Variants in AGBL1 observed in about 807,000 individuals in gnomAD.
AGBL1 encodes the protein cytosolic carboxypeptidase 4.
AGBL1 carries 130 observed loss-of-function variants against 118.9 expected under a neutral mutation model. That is an observed-to-expected ratio of 1.09 (90% confidence interval 0.95 to 1.26). AGBL1 has a LOEUF of 1.26. AGBL1 is among the 50% of genes most tolerant of loss of function. AGBL1 has a pLI of 0.00. For synonymous variants in AGBL1, 555 were observed against 478.9 expected, an observed-to-expected ratio of 1.16 and a Z score of -2.08; for missense variants, 1,584 against 1,298.1, an observed-to-expected ratio of 1.22 and a Z score of -3.38.
intron 18 of AGBL1, among the ~76,000 whole-genome samples, chr15:86,429,410 G>A (rs142887001): frequency 6.6e-6 from 1 of 152,142 alleles, no homozygotes; most frequent in Non-Finnish European, 1.5e-5. Flanking sequence ...GAATAAGAAA[G>A]CTGTGATTTT....
At chr15:86,600,364 T>G (rs1373201448) in intron 21 of AGBL1, among the ~76,000 whole-genome samples, 1 of 152,166 alleles carries the variant, frequency 6.6e-6, no homozygotes, top group Non-Finnish European at 1.5e-5. Context: ...GAAACACAAA[T>G]ATTATCAGAC....
intron 24 of AGBL1, among the ~76,000 whole-genome samples, chr15:87,001,532 C>G (rs1404910586): frequency 6.6e-6 from 1 of 152,000 alleles, no homozygotes; most frequent in Non-Finnish European, 1.5e-5. Context: ...ATTTCTAGTT[C>G]TAGATCCTTG....
intron 17 of AGBL1, among the ~76,000 whole-genome samples, chr15:86,310,478 G>A (rs1387980272): frequency 6.6e-6 from 1 of 152,180 alleles, no homozygotes; most frequent in Non-Finnish European, 1.5e-5. Flanking sequence ...GTCAGCAGGT[G>A]AGTGGGTCTG....
At position 86,247,661 on chromosome 15, in the gene AGBL1, T is replaced by C. The variant is rs757810393; in HGVS notation, c.527-10T>C. 2 of 1,590,004 alleles carry C rather than the reference T, an allele frequency of 1.3e-6. No individual in the cohort carries two copies. The highest frequency in any genetic ancestry group is 8.6e-7 in the Non-Finnish European group (1 of 1,168,094). ...CCTGTGACTGACCCTGCCTTTCCCT[T>C]TGTTTTCAGAGTCGAACGGCCGCAG... On this transcript the variant is annotated splice_polypyrimidine_tract_variant and intron_variant, in intron 6 of 22. Coordinates refer to ENST00000614907, the MANE Select transcript of AGBL1 (RefSeq NM_001386094.1).
rs779488156 is a variant in AGBL1, at chr15:86,267,023, GTTC to G, written c.1790_1792del (p.Phe597del). On this transcript the variant is annotated inframe_deletion, in exon 13 of 23. Transcript: ENST00000614907. The stretch of plus-strand genomic sequence containing the variant: ...AAGACAATGCTTCCAATTGTTTACG[GTTC>G]TTCTCCAAATTTGAGTCAGGAAATC... 7.6e-6 allele frequency: 12 copies of G among 1,571,646 alleles called. No homozygotes were observed. The highest frequency in any genetic ancestry group is 1.2e-5 in the South Asian group (1 of 85,316).
At chr15:86,356,868 A>G (rs1449077398) in intron 17 of AGBL1, among the ~76,000 whole-genome samples, 1 of 149,604 alleles carries the variant, frequency 6.7e-6, no homozygotes, top group African/African-American at 2.4e-5. Flanking sequence ...GCTGAGTCCC[A>G]CAAGGGTACC....
chr15:86,384,049 A>T (rs2081148632), intron 17 of AGBL1, among the ~76,000 whole-genome samples: 1 of 152,170 alleles, frequency 6.6e-6, no homozygotes, highest in Admixed American at 6.5e-5. Flanking sequence ...TTCGTGGAGC[A>T]TGTCACGGTC....
chr15:86,944,158 G>T (rs933958392), intron 23 of AGBL1, among the ~76,000 whole-genome samples: 6 of 152,018 alleles, frequency 3.9e-5, no homozygotes, highest in Non-Finnish European at 7.4e-5. Context: ...ATCACCTGAG[G>T]TCAGGAGTTC....
At chr15:86,900,652 A>ATTT (rs71144080) in intron 22 of AGBL1, among the ~76,000 whole-genome samples, 14 of 146,666 alleles carry the variant, frequency 9.5e-5, no homozygotes, top group South Asian at 2.2e-4. Context: ...TTATATCAGA[A>ATTT]TTTTTTTTTT....
chr15:86,543,735 C>G (rs77855256), intron 19 of AGBL1, among the ~76,000 whole-genome samples: 3,406 of 152,244 alleles, frequency 0.022, 69 homozygotes, highest in Middle Eastern at 0.065. Flanking sequence ...ACCAACTGGC[C>G]CTACCCAAAG....
chr15:86,788,866 A>G (rs547710502), intron 22 of AGBL1, among the ~76,000 whole-genome samples: 38 of 152,320 alleles, frequency 2.5e-4, no homozygotes, highest in African/African-American at 9.1e-4. Flanking sequence ...ACAGACCAAA[A>G]AAAAGCAAGT....
chr15:86,744,415 T>A (rs538273008), intron 22 of AGBL1, among the ~76,000 whole-genome samples: 1 of 152,264 alleles, frequency 6.6e-6, no homozygotes, highest in Admixed American at 6.5e-5. Flanking sequence ...CCAAGTGATC[T>A]GCTATTGAAG....
chr15:86,402,792 C>A (rs1181434852), intron 18 of AGBL1, among the ~76,000 whole-genome samples: 1 of 152,100 alleles, frequency 6.6e-6, no homozygotes, highest in African/African-American at 2.4e-5. Flanking sequence ...GATTTCCCAG[C>A]AAAATTTAGG....
intron 18 of AGBL1, among the ~76,000 whole-genome samples, chr15:86,491,946 A>T (rs533242773): frequency 6.6e-6 from 1 of 152,158 alleles, no homozygotes; most frequent in East Asian, 1.9e-4. Flanking sequence ...GTTATTCCAG[A>T]CACTGGCCTA....
chr15:86,965,937 G>A (rs2081047648), intron 23 of AGBL1, among the ~76,000 whole-genome samples: 1 of 152,012 alleles, frequency 6.6e-6, no homozygotes, highest in Non-Finnish European at 1.5e-5. Flanking sequence ...AACTACCATG[G>A]CATGTGTATA....
chr15:86,686,303 A>G (rs558336786), intron 22 of AGBL1, among the ~76,000 whole-genome samples: 1 of 152,238 alleles, frequency 6.6e-6, no homozygotes, highest in South Asian at 2.1e-4. Context: ...TTCCAGTCTT[A>G]GCTAGTTTTT....
chr15:86,908,948 A>T lies in AGBL1; in HGVS notation c.*1654A>T, dbSNP rs2141596415. The T allele has an allele frequency of 6.6e-6, 1 of 152,356 alleles. No individual in the cohort carries two copies. The highest frequency in any genetic ancestry group is 6.5e-5 in the Admixed American group (1 of 15,302). The allele number at this position is 152,356 out of a possible 1,614,324, so 9.4% of individuals were successfully genotyped here. The stretch of plus-strand genomic sequence containing the variant: ...ACACTGGAAGACCAGTCCTAGTGTC[A>T]TGGCTGCATGGTGTCAGAGACCTGG... On this transcript the variant is annotated 3_prime_UTR_variant, in exon 23 of 23. Coordinates refer to ENST00000614907, the MANE Select transcript of AGBL1 (RefSeq NM_001386094.1).
intron 21 of AGBL1, among the ~76,000 whole-genome samples, chr15:86,586,384 C>T (rs527667814): frequency 4.6e-5 from 7 of 152,132 alleles, no homozygotes; most frequent in Non-Finnish European, 8.8e-5. Context: ...CTTATGTTTG[C>T]ATGTGTTGTA....
chr15:86,980,597 G>C (rs1195187714), intron 23 of AGBL1, among the ~76,000 whole-genome samples: 1 of 152,136 alleles, frequency 6.6e-6, no homozygotes, highest in Non-Finnish European at 1.5e-5. Context: ...AGACATATTA[G>C]AGAGATTTTT....
Sources: allele counts gnomAD v4.1 joint callset (sites outside exome capture counted in the v4.1 genomes callset), GRCh38; gene constraint gnomAD v4.1.1; transcripts MANE v1.5; gene names NCBI Gene and HGNC (gene_info 2026-07-23, HGNC 2026-07-21).